The following ZFAT variants were observed in gnomAD, a reference collection of about 807,000 sequenced individuals.
ZFAT encodes the protein zinc finger protein ZFAT.
In ZFAT, 64 loss-of-function variants were observed where a neutral mutation model predicts 117.7. The observed-to-expected ratio is 0.54, with a 90% CI of 0.44 to 0.67. The LOEUF is 0.67. Ranked by LOEUF, ZFAT falls within the 30% of genes least tolerant of loss-of-function variation. The probability of loss-of-function intolerance (pLI) is 0.00; values close to 1 mark genes in which losing one functional copy is unlikely to be tolerated. For missense variants in ZFAT, 1,433 were observed against 1,584.5 expected (o/e 0.90, Z 1.62); for synonymous variants, 679 against 615.0 (o/e 1.10, Z -1.54).
intron 7 of ZFAT, among the ~76,000 whole-genome samples, chr8:134,591,031 G>C (rs756007049): frequency 4.6e-5 from 7 of 152,202 alleles, no homozygotes; most frequent in Non-Finnish European, 7.3e-5. Flanking sequence ...GCTTAGAGGG[G>C]AGAGTTCTGT....
At chr8:134,526,810 G>A (rs1821053475) in intron 12 of ZFAT, among the ~76,000 whole-genome samples, 1 of 151,444 alleles carries the variant, frequency 6.6e-6, no homozygotes, top group Admixed American at 6.6e-5. Flanking sequence ...TTCTATGAAG[G>A]TGAAGATGCT....
intron 1 of ZFAT, among the ~76,000 whole-genome samples, chr8:134,677,752 C>T (rs752576122): frequency 3.9e-4 from 59 of 152,286 alleles, no homozygotes; most frequent in Middle Eastern, 3.4e-3. Context: ...TTGTCCACCA[C>T]GATTAAGTTG....
chr8:134,685,160 C>T (rs1415361128), intron 1 of ZFAT, among the ~76,000 whole-genome samples: 1 of 152,130 alleles, frequency 6.6e-6, no homozygotes, highest in Admixed American at 6.5e-5. Flanking sequence ...TCATCCCCAT[C>T]ACCACCACCA....
chr8:134,751,945 C>T, the ZFAT span, among the ~76,000 whole-genome samples: 1 of 152,206 alleles, frequency 6.6e-6, no homozygotes, highest in Non-Finnish European at 1.5e-5. Flanking sequence ...GGGAATCCAC[C>T]TGGCTCATGG....
In ZFAT at chr8:134,502,613, G is replaced by A. The variant is rs556280069; in HGVS notation, c.3492+7006C>T. Among the ~76,000 whole-genome samples, 144 of 152,320 alleles carry A rather than the reference G, an allele frequency of 9.5e-4. 1 individual carries two copies. Among genetic ancestry groups the A allele is most frequent in the Admixed American group, 6.2e-3 (95 of 15,300 alleles). On this transcript the variant is annotated intron_variant, in intron 15 of 15. Transcript: ENST00000377838. ...TTCTCCCAACACTGCCAACCATCAC[G>A]GGGACCCACTTGAAGGCTGAAGGTG...
chr8:134,785,223 T>C, the ZFAT span: 1 of 152,202 alleles, frequency 6.6e-6, no homozygotes, highest in African/African-American at 2.4e-5. Flanking sequence ...ATCACTCATT[T>C]ATTCCCCCCT....
intron 12 of ZFAT, among the ~76,000 whole-genome samples, chr8:134,525,257 CAA>C (rs961856764): frequency 6.6e-6 from 1 of 152,198 alleles, no homozygotes; most frequent in African/African-American, 2.4e-5. Context: ...TAAAGCCTCA[CAA>C]ACAGTCCCCT....
the ZFAT span, chr8:134,793,414 T>C: frequency 6.6e-6 from 1 of 152,198 alleles, no homozygotes; most frequent in South Asian, 2.1e-4. Flanking sequence ...TTCTGAGTGC[T>C]TGGTATGTGC....
the ZFAT span, among the ~76,000 whole-genome samples, chr8:134,738,888 G>C: frequency 1.7e-4 from 26 of 152,322 alleles, no homozygotes; most frequent in East Asian, 3.3e-3. Context: ...GAGAAGGTAA[G>C]ACAAGGCACA....
intron 3 of ZFAT, 88 bp from the exon 4 acceptor site, chr8:134,610,743 A>G (rs1423929054): frequency 2.0e-6 from 3 of 1,478,484 alleles, no homozygotes; most frequent in Non-Finnish European, 2.8e-6. Context: ...ACGGGACAGT[A>G]AAGGAAACAC....
At chr8:134,803,458 C>A in the ZFAT span, among the ~76,000 whole-genome samples, 1 of 152,246 alleles carries the variant, frequency 6.6e-6, no homozygotes, top group African/African-American at 2.4e-5. Context: ...AATAAATCTG[C>A]TTTATTTAGA....
intron 10 of ZFAT, among the ~76,000 whole-genome samples, chr8:134,567,036 C>G (rs139535225): frequency 1.3e-5 from 2 of 152,280 alleles, no homozygotes; most frequent in East Asian, 3.9e-4. Context: ...CCTAACTGAC[C>G]CCTTCAGACT....
the ZFAT span, among the ~76,000 whole-genome samples, chr8:134,790,418 T>C: frequency 2.6e-5 from 4 of 152,166 alleles, no homozygotes; most frequent in Admixed American, 2.0e-4. Flanking sequence ...TCTTGCTCGG[T>C]TAATATAACA....
At position 134,478,822 on chromosome 8, in the gene ZFAT, GGGA is replaced by G; in HGVS notation, c.3493-104_3493-102del. On this transcript the variant is annotated intron_variant, in intron 15 of 15. Transcript: ENST00000377838. The surrounding 1 kb of genome is among the most constrained non-coding windows in gnomAD (Gnocchi z 5.2). ...AGTTTAGGAGGCACCAGTGCGCTGCGGGAGCACGTCCATTCTCCACGGATCCTC... is the reference window on the plus strand; with the variant it reads ...AGTTTAGGAGGCACCAGTGCGCTGCGGCACGTCCATTCTCCACGGATCCTC... 6.8e-7 allele frequency: 1 copy of G among 1,460,622 alleles called. No homozygotes were observed. The highest frequency in any genetic ancestry group is 1.3e-5 in the South Asian group (1 of 74,412). The allele number at this position is 1,460,622 out of a possible 1,614,324, so 90.5% of individuals were successfully genotyped here.
intron 1 of ZFAT, among the ~76,000 whole-genome samples, chr8:134,712,295 G>A (rs1814030945): frequency 6.6e-6 from 1 of 152,220 alleles, no homozygotes; most frequent in African/African-American, 2.4e-5. Context: ...AACGTGTTAA[G>A]TCAGTGCCCA....
the ZFAT span, among the ~76,000 whole-genome samples, chr8:134,755,829 A>G: frequency 4.0e-5 from 6 of 150,644 alleles, no homozygotes; most frequent in African/African-American, 1.5e-4. Context: ...AAAAAAAAAA[A>G]AAAAAAAGAA....
the ZFAT span, among the ~76,000 whole-genome samples, chr8:134,755,179 G>A: frequency 0.031 from 4,661 of 151,470 alleles, 128 homozygotes; most frequent in Non-Finnish European, 0.046. Flanking sequence ...CGAGGCAGGC[G>A]GATTGCCTGA....
At chr8:134,744,772 T>C in the ZFAT span, among the ~76,000 whole-genome samples, 1,151 of 120,112 alleles carry the variant, frequency 9.6e-3, 10 homozygotes, top group East Asian at 0.04. Context: ...CTCTGTCACC[T>C]AGGCTGGAGT....
At chr8:134,804,704 G>A in the ZFAT span, among the ~76,000 whole-genome samples, 2 of 152,100 alleles carry the variant, frequency 1.3e-5, no homozygotes, top group African/African-American at 4.8e-5. Context: ...AGCTCGAGAC[G>A]GCATATCCTG....
Sources: gnomAD v4.1 joint callset for allele counts (sites outside exome capture counted in the v4.1 genomes callset) on GRCh38, gnomAD v4.1.1 for gene constraint, Gnocchi (gnomAD v3.1) non-coding constraint, MANE v1.5 for transcripts, NCBI Gene and HGNC (gene_info 2026-07-23, HGNC 2026-07-21) for gene names.